The following KRT77 variants were observed in gnomAD, a reference collection of about 807,000 sequenced individuals.
KRT77 encodes keratin 77.
Under a neutral mutation model 51.5 loss-of-function variants are expected in KRT77, and 44 were observed. The observed-to-expected ratio is 0.85, with a 90% CI of 0.67 to 1.10. The LOEUF is 1.10. Among genes scored for constraint, KRT77 ranks in the 50% least tolerant of loss-of-function variants. The pLI is 0.00. For missense variants in KRT77, 763 were observed against 743.9 expected (o/e 1.03, Z -0.30); for synonymous variants, 293 against 302.0 (o/e 0.97, Z 0.31).
chr12:52,701,076 G>A (rs1375540476), intron 1 of KRT77, among the ~76,000 whole-genome samples: 1 of 152,190 alleles, frequency 6.6e-6, no homozygotes, highest in Non-Finnish European at 1.5e-5. Context: ...TCTGCCCACT[G>A]CCCTATGCCA....
In KRT77 at chr12:52,695,772, C is replaced by G. The variant is rs372310102; in HGVS notation, c.915G>C (p.Thr305=). Residue 305 remains threonine, a splice_region_variant and synonymous_variant, in exon 4 of 9, where the codon ACG becomes ACC. Coordinates refer to ENST00000341809, the MANE Select transcript of KRT77 (RefSeq NM_175078.3). ...EVNFLKYLFL[T]ELSQVQTHIS... ...AGGTTCTTATAAAGGCTTAACTCAC[C>G]GTCAAAAATAAATATTTCAAGAAAT... The G allele has an allele frequency of 1.2e-6, 2 of 1,605,920 alleles. No individual in the cohort carries two copies. The highest frequency in any genetic ancestry group is 3.3e-5 in the Admixed American group (2 of 59,998).
chr12:52,701,595 C>T (rs1057111452), intron 1 of KRT77, among the ~76,000 whole-genome samples: 7 of 152,358 alleles, frequency 4.6e-5, no homozygotes, highest in Middle Eastern at 3.4e-3. Context: ...CACTGCATCC[C>T]TGAAGGCAAA....
chr12:52,691,026 T>G lies in KRT77; in HGVS notation c.*139A>C. The stretch of plus-strand genomic sequence containing the variant: ...GGACTTATCCACCCTGCTTCCCCCA[T>G]TAGAGTCGAATTTATTGGCAAAATT... On this transcript the variant is annotated 3_prime_UTR_variant, in exon 9 of 9. Coordinates refer to ENST00000341809, the MANE Select transcript of KRT77 (RefSeq NM_175078.3). 1 of 1,221,740 alleles carries G rather than the reference T, an allele frequency of 8.2e-7. No individual in the cohort carries two copies. Among genetic ancestry groups the G allele is most frequent in the Non-Finnish European group, 1.2e-6 (1 of 853,138 alleles). The allele number at this position is 1,221,740 out of a possible 1,614,324, so 75.7% of individuals were successfully genotyped here.
intron 1 of KRT77, among the ~76,000 whole-genome samples, chr12:52,699,164 T>G (rs1338150862): frequency 6.6e-6 from 1 of 152,148 alleles, no homozygotes; most frequent in Non-Finnish European, 1.5e-5. Context: ...TTCCTGCCAC[T>G]CTCTATTTTT....
chr12:52,691,843 A>G, intron 8 of KRT77, 95 bp downstream of exon 8: 1 of 1,472,842 alleles, frequency 6.8e-7, no homozygotes, highest in Non-Finnish European at 9.4e-7. Flanking sequence ...CTGGAAGCTA[A>G]AATGCCAGAC....
At chr12:52,699,392 G>A (rs949295137) in intron 1 of KRT77, among the ~76,000 whole-genome samples, 1 of 152,224 alleles carries the variant, frequency 6.6e-6, no homozygotes, top group African/African-American at 2.4e-5. Context: ...AAGACACTGT[G>A]GTTCTCATCA....
In KRT77 at chr12:52,691,267, A is replaced by G. The variant is rs747616396; in HGVS notation, c.1635T>C (p.Gly545=). 1 of 1,599,116 alleles carries G rather than the reference A, an allele frequency of 6.3e-7. No homozygotes were observed. The highest frequency in any genetic ancestry group is 8.5e-7 in the Non-Finnish European group (1 of 1,173,294). The part of the protein sequence containing the change: ...GGGYGSGCGG[G]GGSYGGSGRS... ...TGCCGCTCCCTCCGTAGCTCCCGCC[A>G]CCGCCGCCGCAGCCGCTGCCATAAC... Residue 545 remains glycine (G), a synonymous_variant, in exon 9 of 9, where the codon GGT becomes GGC. Coordinates refer to ENST00000341809, the MANE Select transcript of KRT77 (RefSeq NM_175078.3).
chr12:52,690,471 A>ATC lies in KRT77; in HGVS notation c.*693_*694insGA. 2 of 155,518 alleles carry ATC rather than the reference A, an allele frequency of 1.3e-5. No homozygotes were observed. Among genetic ancestry groups the ATC allele is most frequent in the Admixed American group, 6.2e-5 (1 of 16,180 alleles). The allele number at this position is 155,518 out of a possible 1,614,324, so 9.6% of individuals were successfully genotyped here. A position where few individuals can be genotyped will look rare whatever the true frequency, so the allele number is the denominator to read the frequency against. On this transcript the variant is annotated 3_prime_UTR_variant, in exon 9 of 9. Transcript: ENST00000341809. ...ATGAGGCTATGGACCAAGAGGCAGG[A>ATC]ATAGGCCGCTGGTGCAGAGGTTTTC...
chr12:52,691,343 C>T lies in KRT77; in HGVS notation c.1559G>A (p.Gly520Asp). 1.9e-6 allele frequency: 3 copies of T among 1,594,308 alleles called. No homozygotes were observed. The highest frequency in any genetic ancestry group is 2.6e-6 in the Non-Finnish European group (3 of 1,171,448). Residue 520 changes from glycine (G) to aspartate (D), a missense_variant, in exon 9 of 9, where the codon GGC (glycine) becomes GAC (aspartate). Physicochemically the swap from Gly to Asp is moderately conservative, Grantham distance 94. Transcript: ENST00000341809. ...GYGGGSGGGYGGGRSYRGGGA... is the reference protein window; with the variant it reads ...GYGGGSGGGYDGGRSYRGGGA... ...GCCTCCGCGGTAGCTTCTTCCGCCG[C>T]CATAGCCCCCACCGCTGCCGCCGCC...
At position 52,697,798 on chromosome 12, in the gene KRT77, G is replaced by A. The variant is rs1941820625; in HGVS notation, c.642C>T (p.Leu214=). Residue 214 remains leucine, a synonymous_variant, in exon 2 of 9, where the codon CTC becomes CTT. Transcript: ENST00000341809. ...TSTGTNNLEP[L]LENYIGDLRR... is the part of the protein sequence containing the mutation. ...GCAGGTCACCGATGTAGTTCTCCAAGAGGGGCTCCAGGTTGTTGGTTCCAG... is the reference window on the plus strand; with the variant it reads ...GCAGGTCACCGATGTAGTTCTCCAAAAGGGGCTCCAGGTTGTTGGTTCCAG... 5 of 1,614,108 alleles carry A rather than the reference G, an allele frequency of 3.1e-6. No individual in the cohort carries two copies. The East Asian group carries it at 1.1e-4, about 36-fold the overall frequency.
chr12:52,697,904 C>G lies in KRT77; in HGVS notation c.544-8G>C. 2 of 1,612,662 alleles carry G rather than the reference C, an allele frequency of 1.2e-6. No homozygotes were observed. Among genetic ancestry groups the G allele is most frequent in the Non-Finnish European group, 1.7e-6 (2 of 1,179,094 alleles). ...CTGCTCCAGGAATCGCACCTAAGAG[C>G]AAGAGACCCCAGTCCACCCCAGGCC... is the stretch of plus-strand genomic sequence containing the variant. On this transcript the variant is annotated splice_region_variant and splice_polypyrimidine_tract_variant and intron_variant, in intron 1 of 8. Transcript: ENST00000341809.
In KRT77 at chr12:52,703,060, C is replaced by T. The variant is rs1941907926; in HGVS notation, c.375G>A (p.Gly125=). 1.2e-6 allele frequency: 2 copies of T among 1,613,750 alleles called. No individual in the cohort carries two copies. The highest frequency in any genetic ancestry group is 1.7e-6 in the Non-Finnish European group (2 of 1,179,980). ...AGFGTSNFGL[G]GFGPYCPPGG... ...CAGGAGGACAATAAGGACCAAAGCC[C>T]CCAAGCCCAAAATTGCTAGTCCCAA... Residue 125 remains glycine, a synonymous_variant, in exon 1 of 9, where the codon GGG becomes GGA. Transcript: ENST00000341809.
intron 1 of KRT77, 162 bp from the exon 2 acceptor site, chr12:52,698,058 G>C: frequency 7.0e-7 from 1 of 1,436,346 alleles, no homozygotes; most frequent in East Asian, 2.5e-5. Context: ...GACACACAGA[G>C]GGCAATGTGG....
At chr12:52,698,906 C>T (rs1941841639) in intron 1 of KRT77, among the ~76,000 whole-genome samples, 1 of 152,218 alleles carries the variant, frequency 6.6e-6, no homozygotes, top group South Asian at 2.1e-4. Context: ...GTGGTCAGAA[C>T]GGAACCCTGA....
At chr12:52,699,555 C>G (rs531512283) in intron 1 of KRT77, among the ~76,000 whole-genome samples, 1 of 152,232 alleles carries the variant, frequency 6.6e-6, no homozygotes, top group Non-Finnish European at 1.5e-5. Flanking sequence ...CAGCTAGCAC[C>G]GATGGAATGA....
At chr12:52,693,250 C>T (rs73094670) in intron 5 of KRT77, among the ~76,000 whole-genome samples, 3 of 150,076 alleles carry the variant, frequency 2.0e-5, no homozygotes, top group Non-Finnish European at 3.0e-5. Flanking sequence ...TAGCTTCCCA[C>T]CCTTTTCCAG....
At position 52,692,780 on chromosome 12, in the gene KRT77, G is replaced by C. The variant is rs1341416042; in HGVS notation, c.1181C>G (p.Ala394Gly). The C allele has an allele frequency of 6.2e-7, 1 of 1,604,346 alleles. No individual in the cohort carries two copies. Among genetic ancestry groups the C allele is most frequent in the Non-Finnish European group, 8.5e-7 (1 of 1,171,758 alleles). ...ELNRTVQRLQ[A>G]EISNVKKQIE... ...CTGCTTCTTCACGTTGCTGATCTCT[G>C]CCTGCAGCCTCTGGACGGTGCGGTT... The change falls in exon 6 of 9, where the codon GCA becomes GGA. Residue 394 changes from alanine (A) to glycine (G), a missense_variant. By Grantham distance (60) the Ala-to-Gly change is moderately conservative. Coordinates refer to ENST00000341809, the MANE Select transcript of KRT77 (RefSeq NM_175078.3).
In KRT77 at chr12:52,703,007, T is replaced by A; in HGVS notation, c.428A>T (p.Gln143Leu). 1 of 1,614,094 alleles carries A rather than the reference T, an allele frequency of 6.2e-7. No homozygotes were observed. The highest frequency in any genetic ancestry group is 8.5e-7 in the Non-Finnish European group (1 of 1,180,014). Reference protein sequence around the residue: ...PGGIQEVTINQSLLEPLHLEV... With the variant: ...PGGIQEVTINLSLLEPLHLEV... ...CAGGTGAAGTGGCTCTAGGAGGCTC[T>A]GGTTAATGGTCACCTCTTGGATGCC... The change falls in exon 1 of 9, where the codon CAG (glutamine) becomes CTG (leucine). Residue 143 changes from glutamine (Q) to leucine (L), a missense_variant. Coordinates refer to ENST00000341809, the MANE Select transcript of KRT77 (RefSeq NM_175078.3).
In KRT77 at chr12:52,697,694, T is replaced by C. The variant is rs1233190259; in HGVS notation, c.746A>G (p.Asp249Gly). 3 of 1,612,138 alleles carry C rather than the reference T, an allele frequency of 1.9e-6. No homozygotes were observed. Among genetic ancestry groups the C allele is most frequent in the South Asian group, 2.2e-5 (2 of 91,036 alleles). ...EVRSMQDVVE[D>G]YKSKYEDEIN... ...CCTGGAGTCTCACTTGCTCTTGTAGTCCTCCACGACATCCTGCATGCTCCT... is the reference window on the plus strand; with the variant it reads ...CCTGGAGTCTCACTTGCTCTTGTAGCCCTCCACGACATCCTGCATGCTCCT... The change falls in exon 2 of 9, where the codon GAC becomes GGC. Residue 249 changes from aspartate (D) to glycine (G), a missense_variant. Asp to Gly is a moderately conservative substitution (Grantham distance 94). Coordinates refer to ENST00000341809, the MANE Select transcript of KRT77 (RefSeq NM_175078.3).
Sources: gnomAD v4.1 joint callset for allele counts (sites outside exome capture counted in the v4.1 genomes callset) on GRCh38, gnomAD v4.1.1 for gene constraint, MANE v1.5 for transcripts, NCBI Gene and HGNC (gene_info 2026-07-23, HGNC 2026-07-21) for gene names.